RREB1: variants seen among roughly 807,000 people sequenced by gnomAD.
The protein encoded by RREB1 is ras responsive element binding protein 1.
A neutral mutation model predicts 117.8 loss-of-function variants in RREB1; 27 were observed. The ratio of observed to expected loss-of-function variants is 0.23; its 90% CI spans 0.17 to 0.32. The LOEUF (loss-of-function observed/expected upper bound fraction) is 0.32, where lower values mean the gene tolerates loss of function less well. Among genes scored for constraint, RREB1 ranks in the 10% least tolerant of loss-of-function variants. The pLI, the probability that RREB1 is intolerant of heterozygous loss-of-function variation, is 1.00. For missense variants in RREB1, 2,577 were observed against 2,378.2 expected (o/e 1.08, Z -1.74); for synonymous variants, 1,298 against 1,026.7 (o/e 1.26, Z -5.05).
intron 8 of RREB1, among the ~76,000 whole-genome samples, chr6:7,222,739 A>T (rs2113070606): frequency 6.6e-6 from 1 of 152,184 alleles, no homozygotes; most frequent in South Asian, 2.1e-4. Flanking sequence ...AGACGGGAGG[A>T]TTGCTTGAGC....
At position 7,173,331 on chromosome 6, in the gene RREB1, A is replaced by G. The variant is rs150164329; in HGVS notation, c.-284-3324A>G. 1.7e-4 allele frequency among the ~76,000 whole-genome samples: 26 copies of G among 152,068 alleles called. No homozygotes were observed. In the East Asian group the frequency reaches 5.0e-3, roughly 29 times the overall value. ...CAGGAGTTCGAGACCACCCTGGCAA[A>G]CATGGCGAAACCCCGTCTCTACTAA... On this transcript the variant is annotated intron_variant, in intron 1 of 12. Coordinates refer to ENST00000379938, the MANE Select transcript of RREB1 (RefSeq NM_001003699.4).
At chr6:7,156,676 G>A (rs1398091578) in intron 1 of RREB1, among the ~76,000 whole-genome samples, 1 of 152,220 alleles carries the variant, frequency 6.6e-6, no homozygotes, top group Admixed American at 6.5e-5. Flanking sequence ...CTTGAGGAGA[G>A]CAGCTATGTG....
At chr6:7,210,970 G>C (rs551413511) in intron 7 of RREB1, 22 bp downstream of exon 7, 2 of 1,609,064 alleles carry the variant, frequency 1.2e-6, no homozygotes, top group Non-Finnish European at 1.7e-6. Flanking sequence ...TCCCAGTGCA[G>C]ATTCACCTGC....
intron 6 of RREB1, among the ~76,000 whole-genome samples, chr6:7,192,219 G>A (rs1163725808): frequency 7.2e-6 from 1 of 139,440 alleles, no homozygotes. Context: ...TTGAGATAGA[G>A]TCTCATTCTT....
intron 6 of RREB1, among the ~76,000 whole-genome samples, chr6:7,194,907 C>T (rs1016863975): frequency 1.3e-5 from 2 of 152,186 alleles, no homozygotes; most frequent in African/African-American, 4.8e-5. Flanking sequence ...GACAAGTTAC[C>T]TGACACCTCT....
intron 1 of RREB1, among the ~76,000 whole-genome samples, chr6:7,130,907 T>A (rs1174359338): frequency 3.0e-5 from 4 of 131,892 alleles, no homozygotes; most frequent in African/African-American, 1.2e-4. Context: ...GAGCCACTGC[T>A]CCTGACTGTT....
intron 1 of RREB1, among the ~76,000 whole-genome samples, chr6:7,131,863 CTT>C (rs748171055): frequency 7.0e-5 from 10 of 143,284 alleles, no homozygotes; most frequent in Admixed American, 7.0e-5. Flanking sequence ...TCCTTGAGGA[CTT>C]TTTTTTTTTT....
In RREB1 at chr6:7,249,090, AG is replaced by A; in HGVS notation, c.*123del. 4 of 807,994 alleles carry A rather than the reference AG, an allele frequency of 5.0e-6. No individual in the cohort carries two copies. Among genetic ancestry groups the A allele is most frequent in the South Asian group, 2.0e-5 (1 of 50,844 alleles). 50.1% of individuals were successfully genotyped at this position (807,994 alleles called of 1,614,324 possible). ...GAGAGAGAGAGAGAGAGAGAGAGAG[AG>A]AGAGAGAGAGAGACAAGCAGGAGCG... On this transcript the variant is annotated 3_prime_UTR_variant, in exon 13 of 13. Transcript: ENST00000379938.
At chr6:7,218,879 T>C (rs954537157) in intron 8 of RREB1, 4 of 150,502 alleles carry the variant, frequency 2.7e-5, no homozygotes, top group African/African-American at 7.3e-5. Flanking sequence ...GGACATTTGC[T>C]GTCAGAAGAA....
chr6:7,200,267 TGTGTGTGTGTGTGTA>T (rs1280615719), intron 6 of RREB1, among the ~76,000 whole-genome samples: 8 of 138,552 alleles, frequency 5.8e-5, no homozygotes, highest in Admixed American at 2.7e-4. Flanking sequence ...TGTGTGTGTG[TGTGTGTGTGTGTGTA>T]TTTTTTTTTT....
In RREB1 at chr6:7,229,905, C is replaced by T. The variant is rs529117668; in HGVS notation, c.1806C>T (p.Ile602=). The T allele has an allele frequency of 1.9e-5, 30 of 1,601,050 alleles. No individual in the cohort carries two copies. Among genetic ancestry groups the T allele is most frequent in the African/African-American group, 1.7e-4 (13 of 74,776 alleles). Residue 602 remains isoleucine (I), a synonymous_variant, in exon 10 of 13, where the codon ATC becomes ATT. Coordinates refer to ENST00000379938, the MANE Select transcript of RREB1 (RefSeq NM_001003699.4). The surrounding 1 kb of genome is among the most constrained non-coding windows in gnomAD (Gnocchi z 4.5). ...MKTQLEQDSI[I]EALLPLSMEA... is the part of the protein sequence containing the mutation. ...CGCAGCTGGAGCAGGACAGCATCAT[C>T]GAGGCCCTGCTGCCGCTGAGCATGG...
chr6:7,115,698 A>G (rs1761367111), intron 1 of RREB1, among the ~76,000 whole-genome samples: 2 of 152,014 alleles, frequency 1.3e-5, no homozygotes, highest in South Asian at 4.2e-4. Context: ...CTTCTCGTCT[A>G]ACCTATAAAC....
In RREB1 at chr6:7,189,155, G is replaced by A. The variant is rs775036567; in HGVS notation, c.262-4G>A. 9.3e-6 allele frequency: 15 copies of A among 1,611,386 alleles called. No individual in the cohort carries two copies. In the East Asian group the frequency reaches 3.3e-4, roughly 36 times the overall value. On this transcript the variant is annotated splice_region_variant and splice_polypyrimidine_tract_variant and intron_variant, in intron 5 of 12. Coordinates refer to ENST00000379938, the MANE Select transcript of RREB1 (RefSeq NM_001003699.4). ...GTGACCGCTGTGACCATTGCTTTCT[G>A]CAGCACAACACAGACACTGGAGGAG...
At position 7,229,414 on chromosome 6, in the gene RREB1, C is replaced by T; in HGVS notation, c.1315C>T (p.Leu439=). The part of the protein sequence containing the change: ...ATKDSIKHLS[L]QPFQKGFIIQ... ...CAAGGACAGCATAAAGCACCTGTCCCTGCAGCCCTTCCAGAAGGGCTTCAT... is the reference window on the plus strand; with the variant it reads ...CAAGGACAGCATAAAGCACCTGTCCTTGCAGCCCTTCCAGAAGGGCTTCAT... The change falls in exon 10 of 13, where the codon CTG becomes TTG. Residue 439 remains leucine, a synonymous_variant. Coordinates refer to ENST00000379938, the MANE Select transcript of RREB1 (RefSeq NM_001003699.4). This position sits in a 1 kb window ranked among gnomAD's most constrained non-coding sequence, Gnocchi z 4.5. 2 of 1,614,198 alleles carry T rather than the reference C, an allele frequency of 1.2e-6. No individual in the cohort carries two copies. Among genetic ancestry groups the T allele is most frequent in the Admixed American group, 3.3e-5 (2 of 60,032 alleles).
At chr6:7,218,825 T>TTAAA (rs1200322327) in intron 8 of RREB1, 9 of 124,224 alleles carry the variant, frequency 7.2e-5, no homozygotes, top group African/African-American at 2.1e-4. Context: ...CAACTTTCTT[T>TTAAA]AAAAAAAAAA....
chr6:7,146,033 C>T (rs1453114259), intron 1 of RREB1, among the ~76,000 whole-genome samples: 1 of 151,986 alleles, frequency 6.6e-6, no homozygotes, highest in Admixed American at 6.6e-5. Context: ...CTCCTTCCTG[C>T]TCTGCGCACC....
chr6:7,209,556 T>A (rs954011792), intron 6 of RREB1, among the ~76,000 whole-genome samples: 3 of 151,726 alleles, frequency 2.0e-5, no homozygotes, highest in Non-Finnish European at 4.4e-5. Context: ...TTCTTAATTA[T>A]TATTCTATTT....
chr6:7,108,220 C>T (rs1233678241), intron 1 of RREB1, among the ~76,000 whole-genome samples, 160 bp downstream of exon 1: 3 of 152,050 alleles, frequency 2.0e-5, no homozygotes, highest in African/African-American at 7.2e-5. Flanking sequence ...GAGCCGGGGA[C>T]CCGCACGCCC....
Position 7,246,659 on chromosome 6 carries a change from C to T in RREB1, c.4209C>T (p.Ala1403=), listed in dbSNP as rs749499885. The T allele has an allele frequency of 3.2e-6, 5 of 1,577,222 alleles. No individual in the cohort carries two copies. The highest frequency in any genetic ancestry group is 1.2e-5 in the South Asian group (1 of 86,026). Residue 1403 remains alanine (A), a synonymous_variant, in exon 12 of 13, where the codon GCC becomes GCT. Transcript: ENST00000379938. ...GCACTGAGGAGAGCACTGGGGACGC[C>T]GACGGCGCGGAAGAGGACGCGTCGA... ...EHGTEESTGD[A]DGAEEDASSN...
Sources: gnomAD v4.1 joint callset for allele counts (sites outside exome capture counted in the v4.1 genomes callset) on GRCh38, gnomAD v4.1.1 for gene constraint, Gnocchi (gnomAD v3.1) non-coding constraint, MANE v1.5 for transcripts, NCBI Gene and HGNC (gene_info 2026-07-23, HGNC 2026-07-21) for gene names.